The following GRM8 variants were observed in gnomAD, a reference collection of about 807,000 sequenced individuals.
The protein encoded by GRM8 is metabotropic glutamate receptor 8.
Under a neutral mutation model 87.2 loss-of-function variants are expected in GRM8, and 47 were observed. That is an observed-to-expected ratio of 0.54 (90% CI 0.43 to 0.69). GRM8 has a LOEUF of 0.69. Among genes scored for constraint, GRM8 ranks in the 30% least tolerant of loss-of-function variants. The pLI is 0.00. For missense variants in GRM8, 1,019 were observed against 1,139.2 expected (o/e 0.89, Z 1.52); for synonymous variants, 396 against 404.5 (o/e 0.98, Z 0.25).
At chr7:127,164,809 C>A (rs775920782) in intron 2 of GRM8, among the ~76,000 whole-genome samples, 2 of 151,998 alleles carry the variant, frequency 1.3e-5, no homozygotes, top group African/African-American at 2.4e-5. Context: ...AAAAGGAACT[C>A]TTCTTAGAAA....
intron 3 of GRM8, among the ~76,000 whole-genome samples, chr7:126,945,801 G>A (rs1273289923): frequency 6.6e-6 from 1 of 152,104 alleles, no homozygotes; most frequent in African/African-American, 2.4e-5. Flanking sequence ...TTTGTCAAGG[G>A]AAGTTATATC....
At chr7:126,599,699 AAT>A (rs1797551163) in intron 8 of GRM8, among the ~76,000 whole-genome samples, 1 of 152,150 alleles carries the variant, frequency 6.6e-6, no homozygotes, top group African/African-American at 2.4e-5. Context: ...ACCAAGAGAG[AAT>A]ATGTTTCCTT....
chr7:127,026,871 A>G (rs1488367755), intron 3 of GRM8, among the ~76,000 whole-genome samples: 1 of 152,004 alleles, frequency 6.6e-6, no homozygotes, highest in Non-Finnish European at 1.5e-5. Context: ...GGCTTTTGTC[A>G]TCATTGCTTT....
chr7:126,836,138 G>T (rs1439069854), intron 6 of GRM8, among the ~76,000 whole-genome samples: 1 of 152,184 alleles, frequency 6.6e-6, no homozygotes, highest in African/African-American at 2.4e-5. Context: ...AGCTCACAGA[G>T]AATGAAATAC....
At chr7:126,853,768 C>T (rs1363895072) in intron 6 of GRM8, among the ~76,000 whole-genome samples, 1 of 152,158 alleles carries the variant, frequency 6.6e-6, no homozygotes, top group Non-Finnish European at 1.5e-5. Flanking sequence ...TGGAGGTGTG[C>T]TCCTGTTCTC....
At chr7:126,683,378 T>C (rs1807830794) in intron 7 of GRM8, among the ~76,000 whole-genome samples, 1 of 152,222 alleles carries the variant, frequency 6.6e-6, no homozygotes, top group Non-Finnish European at 1.5e-5. Context: ...ATGAAGCCTC[T>C]GATATTTCAA....
chr7:126,727,837 C>A (rs1034031387), intron 7 of GRM8, among the ~76,000 whole-genome samples: 1 of 152,068 alleles, frequency 6.6e-6, no homozygotes, highest in Admixed American at 6.6e-5. Context: ...AGAATTTTAA[C>A]AACCTGAAAA....
At chr7:126,439,627 ACTT>A (rs940190545) in intron 10 of GRM8, among the ~76,000 whole-genome samples, 49 of 152,250 alleles carry the variant, frequency 3.2e-4, no homozygotes, top group African/African-American at 1.1e-3. Context: ...TTTAAAGTAG[ACTT>A]CTTCTACTTA....
chr7:126,829,842 G>A (rs1295600765), intron 6 of GRM8, among the ~76,000 whole-genome samples: 11 of 152,094 alleles, frequency 7.2e-5, no homozygotes, highest in East Asian at 5.8e-4. Flanking sequence ...GGCTGGTACC[G>A]GTTGTGCCTT....
At chr7:127,248,676 G>A (rs1798702906) in intron 1 of GRM8, among the ~76,000 whole-genome samples, 1 of 152,226 alleles carries the variant, frequency 6.6e-6, no homozygotes, top group Non-Finnish European at 1.5e-5. Flanking sequence ...ACTGCCAAGT[G>A]CTATAAGAAT....
In GRM8 at chr7:126,685,934, G is replaced by A. The variant is rs1055945657; in HGVS notation, c.1358-76436C>T. 4.6e-5 allele frequency among the ~76,000 whole-genome samples: 7 copies of A among 151,914 alleles called. No individual in the cohort carries two copies. The highest frequency in any genetic ancestry group is 6.8e-3 in the Middle Eastern group (2 of 294). ...TCGTAGCGCTTTTCCCTGGGCCCTC[G>A]TGGGTGCCCATGGACTGATCAACAT... On this transcript the variant is annotated intron_variant, in intron 7 of 10. Coordinates refer to ENST00000339582, the MANE Select transcript of GRM8 (RefSeq NM_000845.3). The surrounding 1 kb of genome is among the most constrained non-coding windows in gnomAD (Gnocchi z 4.2).
At chr7:126,703,597 T>A (rs1212979145) in intron 7 of GRM8, among the ~76,000 whole-genome samples, 1 of 152,140 alleles carries the variant, frequency 6.6e-6, no homozygotes, top group East Asian at 1.9e-4. Flanking sequence ...CTCGTCTTTA[T>A]CACTCAGGCT....
intron 3 of GRM8, among the ~76,000 whole-genome samples, chr7:126,994,007 C>T (rs150099769): frequency 6.6e-6 from 1 of 152,264 alleles, no homozygotes; most frequent in African/African-American, 2.4e-5. Flanking sequence ...ACCAGATGGG[C>T]CAGCTAGGGG....
At chr7:126,885,723 A>G (rs1274396457) in intron 6 of GRM8, among the ~76,000 whole-genome samples, 4 of 152,170 alleles carry the variant, frequency 2.6e-5, no homozygotes, top group Non-Finnish European at 4.4e-5. Context: ...TTAATTTTAA[A>G]TTTTTGAATA....
chr7:126,461,799 C>T (rs1306531680), intron 9 of GRM8, among the ~76,000 whole-genome samples: 1 of 151,594 alleles, frequency 6.6e-6, no homozygotes. Flanking sequence ...TGTTTAGTTT[C>T]TTGTAATACA....
At chr7:127,208,875 A>G (rs1796061729) in intron 2 of GRM8, among the ~76,000 whole-genome samples, 1 of 152,180 alleles carries the variant, frequency 6.6e-6, no homozygotes, top group Admixed American at 6.5e-5. Context: ...GTTTATAAGC[A>G]GCCCAAATTT....
At chr7:126,456,837 T>A (rs1171872259) in intron 9 of GRM8, among the ~76,000 whole-genome samples, 1 of 151,510 alleles carries the variant, frequency 6.6e-6, no homozygotes, top group Non-Finnish European at 1.5e-5. Context: ...ACATCTACAT[T>A]TTTTTAAAAT....
At chr7:126,869,567 CA>C (rs1798903212) in intron 6 of GRM8, 1 of 152,146 alleles carries the variant, frequency 6.6e-6, no homozygotes, top group Non-Finnish European at 1.5e-5. Context: ...ACTGTGTTAG[CA>C]GATACAAAAA....
chr7:127,209,076 G>A (rs1281631982), intron 2 of GRM8, among the ~76,000 whole-genome samples: 1 of 152,204 alleles, frequency 6.6e-6, no homozygotes, highest in Non-Finnish European at 1.5e-5. Flanking sequence ...CCAAGGGCCA[G>A]CCAATCATGA....
Sources: allele counts gnomAD v4.1 joint callset (sites outside exome capture counted in the v4.1 genomes callset), GRCh38; gene constraint gnomAD v4.1.1; non-coding constraint Gnocchi (gnomAD v3.1); transcripts MANE v1.5; gene names NCBI Gene and HGNC (gene_info 2026-07-23, HGNC 2026-07-21).